HID1: variants seen among roughly 807,000 people sequenced by gnomAD.
The protein encoded by HID1 is HID1 domain containing, also known as protein HID1.
In HID1, 42 loss-of-function variants were observed where a neutral mutation model predicts 89.7. The observed-to-expected ratio is 0.47, with a 90% CI of 0.37 to 0.61. The LOEUF (loss-of-function observed/expected upper bound fraction) is 0.61. Among genes scored for constraint, HID1 ranks in the 20% least tolerant of loss-of-function variants. The pLI, the probability that HID1 is intolerant of heterozygous loss-of-function variation, is 0.00. For missense variants in HID1, 854 were observed against 1,039.3 expected (o/e 0.82, Z 2.45); for synonymous variants, 442 against 433.8 (o/e 1.02, Z -0.24).
At chr17:74,956,170 T>C (rs2039388529) in intron 12 of HID1, among the ~76,000 whole-genome samples, 1 of 152,092 alleles carries the variant, frequency 6.6e-6, no homozygotes, top group Non-Finnish European at 1.5e-5. Context: ...CCCTCGACCA[T>C]GAAGACAGCT....
chr17:74,953,513 C>T (rs1211436156), intron 15 of HID1, 32 bp downstream of exon 15: 2 of 1,583,690 alleles, frequency 1.3e-6, no homozygotes, highest in African/African-American at 2.7e-5. Context: ...AAGGGCCAGC[C>T]ACGCCCGGCT....
chr17:74,956,965 G>A (rs2039400169), intron 12 of HID1, among the ~76,000 whole-genome samples: 1 of 152,244 alleles, frequency 6.6e-6, no homozygotes, highest in African/African-American at 2.4e-5. Context: ...GCCCAACACA[G>A]TGGACATCAG....
chr17:74,963,159 G>A, intron 3 of HID1, 78 bp from the exon 4 acceptor site: 2 of 1,068,010 alleles, frequency 1.9e-6, no homozygotes, highest in Non-Finnish European at 2.7e-6. Context: ...GGGTGGTGGA[G>A]GACAGGGGCT....
In HID1 at chr17:74,951,547, T is replaced by C. The variant is rs766248975; in HGVS notation, c.*23A>G. On this transcript the variant is annotated 3_prime_UTR_variant, in exon 19 of 19. Coordinates refer to ENST00000425042, the MANE Select transcript of HID1 (RefSeq NM_030630.3). The stretch of plus-strand genomic sequence containing the variant: ...ACCAAGGCCCTGCCTTCCCCTAGAC[T>C]GAGCCCCTCGTCGGCTTCATCCTCA... 6.2e-7 allele frequency: 1 copy of C among 1,604,124 alleles called. No homozygotes were observed. The highest frequency in any genetic ancestry group is 1.1e-5 in the South Asian group (1 of 89,082).
Position 74,958,920 on chromosome 17 carries a change from G to C in HID1, c.1140C>G (p.Asp380Glu), listed in dbSNP as rs1391253150. 6.3e-7 allele frequency: 1 copy of C among 1,592,438 alleles called. No homozygotes were observed. The highest frequency in any genetic ancestry group is 8.5e-7 in the Non-Finnish European group (1 of 1,171,734). Residue 380 changes from aspartate to glutamate, a missense_variant, in exon 9 of 19, where the codon GAC becomes GAG. Coordinates refer to ENST00000425042, the MANE Select transcript of HID1 (RefSeq NM_030630.3). This position sits in a 1 kb window ranked among gnomAD's most constrained non-coding sequence, Gnocchi z 5.2. Reference protein sequence around the residue: ...ELLVLFWKLCDFNKKFLFFVL... With the variant: ...ELLVLFWKLCEFNKKFLFFVL... ...CTCGAGGCTGGCCCACCTTGTTGAA[G>C]TCGCAGAGCTTCCAGAAGAGAACTA...
chr17:74,960,621 C>T (rs1459565828), intron 6 of HID1, among the ~76,000 whole-genome samples: 4 of 152,204 alleles, frequency 2.6e-5, no homozygotes, highest in African/African-American at 9.7e-5. Context: ...GATGAGGAAG[C>T]TGAGACCCAG....
At chr17:74,951,785 C>T (rs973631586) in intron 18 of HID1, 120 bp downstream of exon 18, 20 of 1,369,786 alleles carry the variant, frequency 1.5e-5, no homozygotes, top group Non-Finnish European at 2.0e-5. Flanking sequence ...GGCAAGGCCG[C>T]CTTAGTTGAC....
chr17:74,970,103 G>C (rs2039623933), intron 1 of HID1, among the ~76,000 whole-genome samples: 1 of 151,444 alleles, frequency 6.6e-6, no homozygotes, highest in South Asian at 2.1e-4. Flanking sequence ...TTTTAGTAGA[G>C]ACGAGGTTTC....
intron 1 of HID1, among the ~76,000 whole-genome samples, chr17:74,971,682 C>G (rs1369907091): frequency 6.6e-6 from 1 of 152,192 alleles, no homozygotes; most frequent in African/African-American, 2.4e-5. Context: ...CAGGGCCGAG[C>G]ATCTCTGTGG....
rs1215809326 is a variant in HID1 at position 74,958,821 on chromosome 17, C to A, written c.1150-58G>T. 1 of 1,595,688 alleles carries A rather than the reference C, an allele frequency of 6.3e-7. No homozygotes were observed. ...GTTCAAGGGAGGGGCAGCTCTGCCC[C>A]ACCCCCCTCAGTCTGACACTGTCCC... On this transcript the variant is annotated intron_variant, in intron 9 of 18. Coordinates refer to ENST00000425042, the MANE Select transcript of HID1 (RefSeq NM_030630.3). The surrounding 1 kb of genome is among the most constrained non-coding windows in gnomAD (Gnocchi z 5.2).
intron 6 of HID1, among the ~76,000 whole-genome samples, chr17:74,960,572 G>C (rs1040253576): frequency 6.6e-6 from 1 of 152,238 alleles, no homozygotes; most frequent in Admixed American, 6.5e-5. Context: ...ACTCCACTCA[G>C]ACTCAAGAGA....
rs893539805 is a variant in HID1 at position 74,972,069 on chromosome 17, C to T, written c.66+522G>A. 2.6e-5 allele frequency among the ~76,000 whole-genome samples: 4 copies of T among 152,198 alleles called. No homozygotes were observed. The highest frequency in any genetic ancestry group is 2.6e-4 in the Admixed American group (4 of 15,286). The stretch of plus-strand genomic sequence containing the variant: ...CCCAGGAAGACCTGGGCCTTCCCTG[C>T]CCACGGGCATCGACCAGGGCCCAGC... On this transcript the variant is annotated intron_variant, in intron 1 of 18. Coordinates refer to ENST00000425042, the MANE Select transcript of HID1 (RefSeq NM_030630.3). This position sits in a 1 kb window ranked among gnomAD's most constrained non-coding sequence, Gnocchi z 6.4.
At chr17:74,955,717 G>T in intron 13 of HID1, 75 bp downstream of exon 13, 1 of 1,431,964 alleles carries the variant, frequency 7.0e-7, no homozygotes, top group Non-Finnish European at 9.6e-7. Context: ...GCCACCTCCT[G>T]GGCTGTGCCC....
At chr17:74,971,319 G>C (rs1018623104) in intron 1 of HID1, among the ~76,000 whole-genome samples, 1 of 152,134 alleles carries the variant, frequency 6.6e-6, no homozygotes, top group Admixed American at 6.6e-5. Flanking sequence ...CCCACAGAAC[G>C]AAAACCCCAT....
At chr17:74,956,132 C>G (rs2039387784) in intron 12 of HID1, among the ~76,000 whole-genome samples, 176 bp from the exon 13 acceptor site, 1 of 152,142 alleles carries the variant, frequency 6.6e-6, no homozygotes, top group Non-Finnish European at 1.5e-5. Context: ...GTGCAGAGTC[C>G]TGGGAGGCAG....
Position 74,960,134 on chromosome 17 carries a change from C to T in HID1, c.843G>A (p.Val281=). The T allele has an allele frequency of 6.2e-7, 1 of 1,614,054 alleles. No homozygotes were observed. The highest frequency in any genetic ancestry group is 8.5e-7 in the Non-Finnish European group (1 of 1,180,040). ...CAATGAGCACCTGGGCAGCCTCCTC[C>T]ACCAGGGGTTCCCGGTAGTCAGAGA... ...LLFSDYREPL[V]EEAAQVLIVT... Residue 281 remains valine, a synonymous_variant, in exon 7 of 19, where the codon GTG becomes GTA. Coordinates refer to ENST00000425042, the MANE Select transcript of HID1 (RefSeq NM_030630.3).
Position 74,953,075 on chromosome 17 carries a change from C to T in HID1, c.1983G>A (p.Gln661=). 6.2e-7 allele frequency: 1 copy of T among 1,606,128 alleles called. No individual in the cohort carries two copies. Residue 661 remains glutamine, a synonymous_variant, in exon 16 of 19, where the codon CAG becomes CAA. Transcript: ENST00000425042. ...ACGGTCGCCGCTGCTCCCTCCATGC[C>T]TGGCTGGGCTCCTGGCCCCCAGAAA... ...DGSPAKGEPS[Q]AWREQRRPST...
chr17:74,965,891 T>C (rs1391468647), intron 1 of HID1, among the ~76,000 whole-genome samples: 5 of 150,716 alleles, frequency 3.3e-5, no homozygotes, highest in Admixed American at 2.6e-4. Context: ...CACTCCAGCC[T>C]GGGCAACAAG....
At position 74,958,061 on chromosome 17, in the gene HID1, C is replaced by G. The variant is rs1435128293; in HGVS notation, c.1471+80G>C. ...TTCTGTGGGCTGGAGGGGCTTGAAA[C>G]CTGGAGCAAGTGGCAGGTTGGCCTG... On this transcript the variant is annotated intron_variant, in intron 12 of 18. Transcript: ENST00000425042. The surrounding 1 kb of genome is among the most constrained non-coding windows in gnomAD (Gnocchi z 5.2). The G allele has an allele frequency of 7.5e-7, 1 of 1,340,706 alleles. No individual in the cohort carries two copies. The highest frequency in any genetic ancestry group is 2.0e-5 in the Admixed American group (1 of 50,398). 83.1% of individuals were successfully genotyped at this position (1,340,706 alleles called of 1,614,324 possible).
Sources: allele counts gnomAD v4.1 joint callset (sites outside exome capture counted in the v4.1 genomes callset), GRCh38; gene constraint gnomAD v4.1.1; non-coding constraint Gnocchi (gnomAD v3.1); transcripts MANE v1.5; gene names NCBI Gene and HGNC (gene_info 2026-07-23, HGNC 2026-07-21).